Variants in WDR31 observed in about 807,000 individuals in gnomAD.
WDR31 encodes the protein WD repeat-containing protein 31.
WDR31 carries 30 observed loss-of-function variants against 47.3 expected under a neutral mutation model. That is an observed-to-expected ratio of 0.63 (90% CI 0.47 to 0.86). WDR31 has a LOEUF of 0.86. Among genes scored for constraint, WDR31 ranks in the 40% least tolerant of loss-of-function variants. The probability of loss-of-function intolerance (pLI) is 0.00; values close to 1 mark genes in which losing one functional copy is unlikely to be tolerated. For synonymous variants in WDR31, 137 were observed against 159.4 expected, an observed-to-expected ratio of 0.86 and a Z score of 1.06; for missense variants, 406 against 442.9, an observed-to-expected ratio of 0.92 and a Z score of 0.75.
At chr9:113,324,389 C>CTTT (rs536508042) in intron 5 of WDR31, among the ~76,000 whole-genome samples, 6 of 129,128 alleles carry the variant, frequency 4.6e-5, no homozygotes, top group Non-Finnish European at 9.7e-5. Flanking sequence ...AATTTCATTC[C>CTTT]TTTTTTTTTT....
At chr9:113,326,910 A>G (rs1189549481) in intron 5 of WDR31, among the ~76,000 whole-genome samples, 1 of 152,118 alleles carries the variant, frequency 6.6e-6, no homozygotes, top group Non-Finnish European at 1.5e-5. Flanking sequence ...ATCACAGCTC[A>G]CTATGGCTTC....
At chr9:113,329,693 G>A (rs1286033801) in intron 4 of WDR31, among the ~76,000 whole-genome samples, 1 of 151,584 alleles carries the variant, frequency 6.6e-6, no homozygotes, top group South Asian at 2.1e-4. Flanking sequence ...TGAAAACAGG[G>A]CCAGGCACAG....
chr9:113,322,958 C>T (rs374161899), intron 6 of WDR31, 47 bp from the exon 7 acceptor site: 21 of 1,613,644 alleles, frequency 1.3e-5, no homozygotes, highest in African/African-American at 1.2e-4. Context: ...GGGACCTGAA[C>T]GGGGCTTTTC....
chr9:113,322,297 T>C (rs145604121), intron 7 of WDR31, among the ~76,000 whole-genome samples: 2 of 152,206 alleles, frequency 1.3e-5, no homozygotes, highest in African/African-American at 2.4e-5. Context: ...TGGTAAGTAA[T>C]AGATCCATGA....
At chr9:113,327,690 T>C (rs1833507899) in intron 5 of WDR31, among the ~76,000 whole-genome samples, 1 of 151,598 alleles carries the variant, frequency 6.6e-6, no homozygotes, top group Admixed American at 6.6e-5. Flanking sequence ...GGGGTCTTGC[T>C]ATGTCCCAGG....
chr9:113,335,669 G>A (rs1055932230), intron 2 of WDR31, among the ~76,000 whole-genome samples: 2 of 152,114 alleles, frequency 1.3e-5, no homozygotes, highest in Admixed American at 1.3e-4. Flanking sequence ...GACGAGAATA[G>A]GTAACCAATA....
chr9:113,331,247 G>A, intron 3 of WDR31, 131 bp from the exon 4 acceptor site: 1 of 661,342 alleles, frequency 1.5e-6, no homozygotes, highest in Non-Finnish European at 2.3e-6. Context: ...ATTTAAAAAG[G>A]AGAAGAGAAG....
chr9:113,323,269 T>C, intron 5 of WDR31, 114 bp from the exon 6 acceptor site: 1 of 1,340,612 alleles, frequency 7.5e-7, no homozygotes, highest in Admixed American at 2.5e-5. Context: ...ACACTTCTTT[T>C]CTTTTTTTTT....
Position 113,331,909 on chromosome 9 carries a change from G to GT in WDR31, c.113dup (p.Tyr38Ter). Residue 38 changes from tyrosine to a stop codon, truncating the protein, a stop_gained and frameshift_variant, in exon 3 of 11, where the codon TAC becomes TAAC. Transcript: ENST00000374193. LOFTEE classifies it high-confidence loss of function. The part of the protein sequence containing the change: ...QSKLKHSTYK[Y>*]GRPDEIIEER... ...CTCCCAGGGGAGGATTGCAGTACCC[G>GT]TATTTATAAGTGCTGTGTTTGAGTT... 6.2e-7 allele frequency: 1 copy of GT among 1,613,090 alleles called. No homozygotes were observed. Among genetic ancestry groups the GT allele is most frequent in the Non-Finnish European group, 8.5e-7 (1 of 1,179,322 alleles).
At chr9:113,336,214 A>T (rs41304860) in intron 2 of WDR31, 74 bp downstream of exon 2, 1 of 152,370 alleles carries the variant, frequency 6.6e-6, no homozygotes, top group Non-Finnish European at 1.5e-5. Context: ...TGGTATAGTC[A>T]GAGAGCCATA....
chr9:113,335,784 C>T (rs1288905564), intron 2 of WDR31, among the ~76,000 whole-genome samples: 1 of 152,138 alleles, frequency 6.6e-6, no homozygotes, highest in Non-Finnish European at 1.5e-5. Context: ...AGCTCCATTC[C>T]CCACTCTGGC....
At chr9:113,338,050 C>T (rs975041897) in intron 1 of WDR31, among the ~76,000 whole-genome samples, 8 of 152,172 alleles carry the variant, frequency 5.3e-5, no homozygotes, top group Admixed American at 3.9e-4. Flanking sequence ...TATACTGCAT[C>T]TCTACAAAAG....
chr9:113,333,769 C>T (rs187739566), intron 2 of WDR31, among the ~76,000 whole-genome samples: 14 of 152,066 alleles, frequency 9.2e-5, no homozygotes. Flanking sequence ...AGAAATAATG[C>T]CACTAAATGA....
chr9:113,316,469 CT>C lies in WDR31; in HGVS notation c.*279del, dbSNP rs541806719. ...ACAGGTCATCATTCTGAGCAATACA[CT>C]TTTTTTGAAGAGTAGTCCTAAAAGC... is the stretch of plus-strand genomic sequence containing the variant. On this transcript the variant is annotated 3_prime_UTR_variant, in exon 11 of 11. Transcript: ENST00000374193. 9.5e-6 allele frequency: 3 copies of C among 314,692 alleles called. No homozygotes were observed. Among genetic ancestry groups the C allele is most frequent in the Non-Finnish European group, 1.8e-5 (3 of 169,922 alleles). 19.5% of individuals were successfully genotyped at this position (314,692 alleles called of 1,614,324 possible).
At chr9:113,338,900 G>T (rs1833771623) in intron 1 of WDR31, among the ~76,000 whole-genome samples, 1 of 152,200 alleles carries the variant, frequency 6.6e-6, no homozygotes, top group African/African-American at 2.4e-5. Context: ...TTACAGGTGT[G>T]AGCCACCGTG....
chr9:113,321,539 G>A lies in WDR31; in HGVS notation c.610C>T (p.Leu204=), dbSNP rs1390102097. 3 of 1,614,194 alleles carry A rather than the reference G, an allele frequency of 1.9e-6. No individual in the cohort carries two copies. Among genetic ancestry groups the A allele is most frequent in the Non-Finnish European group, 2.5e-6 (3 of 1,180,016 alleles). ...AGGGTTTTATCTTCAGAGGTCTGTAGTATGTATGGTTCTCTGGGGACCCAG... is the reference window on the plus strand; with the variant it reads ...AGGGTTTTATCTTCAGAGGTCTGTAATATGTATGGTTCTCTGGGGACCCAG... ...LCWVPREPYI[L]QTSEDKTLRL... is the part of the protein sequence containing the mutation. Residue 204 remains leucine, a synonymous_variant, in exon 8 of 11, where the codon CTA becomes TTA. Transcript: ENST00000374193.
intron 5 of WDR31, among the ~76,000 whole-genome samples, chr9:113,325,921 T>C (rs1320358349): frequency 6.6e-6 from 1 of 152,258 alleles, no homozygotes; most frequent in Non-Finnish European, 1.5e-5. Flanking sequence ...TTTTATTTTT[T>C]ATTTTTTGAG....
chr9:113,321,702 T>A, intron 7 of WDR31, 124 bp from the exon 8 acceptor site: 1 of 873,620 alleles, frequency 1.1e-6, no homozygotes, highest in Non-Finnish European at 1.8e-6. Flanking sequence ...GCAAATTCAT[T>A]TACAGGCATC....
At chr9:113,337,309 A>G (rs1426542607) in intron 1 of WDR31, among the ~76,000 whole-genome samples, 1 of 148,740 alleles carries the variant, frequency 6.7e-6, no homozygotes, top group Non-Finnish European at 1.5e-5. Context: ...TTTTATATTT[A>G]TTAACTCATT....
Sources: allele counts gnomAD v4.1 joint callset (sites outside exome capture counted in the v4.1 genomes callset), GRCh38; gene constraint gnomAD v4.1.1; transcripts MANE v1.5; gene names NCBI Gene and HGNC (gene_info 2026-07-23, HGNC 2026-07-21).